ATP6V0E1: variants seen among roughly 807,000 people sequenced by gnomAD.
ATP6V0E1 encodes V-type proton ATPase subunit e 1.
In ATP6V0E1, 4 loss-of-function variants were observed where a neutral mutation model predicts 11.6. The ratio of observed to expected loss-of-function variants is 0.35; its 90% CI spans 0.17 to 0.79. The LOEUF (loss-of-function observed/expected upper bound fraction) is 0.79, where lower values mean the gene tolerates loss of function less well. Among genes scored for constraint, ATP6V0E1 ranks in the 30% least tolerant of loss-of-function variants. ATP6V0E1 has a pLI of 0.54. For synonymous variants in ATP6V0E1, 36 were observed against 34.8 expected, an observed-to-expected ratio of 1.04 and a Z score of -0.13; for missense variants, 105 against 100.0, an observed-to-expected ratio of 1.05 and a Z score of -0.21.
At chr5:172,987,143 GA>G in intron 1 of ATP6V0E1, 2 of 211,280 alleles carry the variant, frequency 9.5e-6, no homozygotes, top group Non-Finnish European at 1.9e-5. Context: ...AGCTGAAAGT[GA>G]AGGCCATGGG....
chr5:173,014,900 G>A (rs372083514), intron 2 of ATP6V0E1, among the ~76,000 whole-genome samples: 7 of 152,198 alleles, frequency 4.6e-5, no homozygotes, highest in Non-Finnish European at 8.8e-5. Flanking sequence ...GCGAGGACTT[G>A]AAATGATACC....
chr5:172,991,589 G>A (rs1283281549), intron 1 of ATP6V0E1, among the ~76,000 whole-genome samples: 2 of 152,128 alleles, frequency 1.3e-5, no homozygotes, highest in African/African-American at 2.4e-5. Flanking sequence ...ATGTTTGCAC[G>A]TAGGGGGAGG....
chr5:172,992,208 G>A (rs6861383), intron 1 of ATP6V0E1, among the ~76,000 whole-genome samples: 3,199 of 152,144 alleles, frequency 0.021, 102 homozygotes, highest in African/African-American at 0.072. Flanking sequence ...CCGCCACCAC[G>A]CCCGGCTAAT....
chr5:172,997,462 C>T (rs1344837014), intron 2 of ATP6V0E1, among the ~76,000 whole-genome samples: 28 of 151,660 alleles, frequency 1.8e-4, no homozygotes, highest in Non-Finnish European at 3.4e-4. Flanking sequence ...TCTTCTTCTT[C>T]TTTAAAAATC....
intron 2 of ATP6V0E1, among the ~76,000 whole-genome samples, chr5:173,008,041 A>G (rs1756255487): frequency 6.6e-6 from 1 of 152,192 alleles, no homozygotes; most frequent in African/African-American, 2.4e-5. Flanking sequence ...AGTAGGCTTC[A>G]CCAGAGGTTC....
intron 3 of ATP6V0E1, among the ~76,000 whole-genome samples, chr5:173,031,732 T>C (rs1177796242): frequency 1.4e-5 from 2 of 144,556 alleles, no homozygotes; most frequent in Non-Finnish European, 3.0e-5. Flanking sequence ...GGCAGGAGAA[T>C]AGCGTGAACC....
intron 3 of ATP6V0E1, among the ~76,000 whole-genome samples, chr5:173,032,451 GC>G (rs1189912573): frequency 6.6e-6 from 1 of 151,694 alleles, no homozygotes; most frequent in Non-Finnish European, 1.5e-5. Context: ...ACTACAGCTG[GC>G]TAATTTTTTT....
chr5:173,033,611 G>A (rs1016576703), intron 3 of ATP6V0E1, among the ~76,000 whole-genome samples: 1 of 152,104 alleles, frequency 6.6e-6, no homozygotes, highest in Non-Finnish European at 1.5e-5. Context: ...GGGAGGCGAG[G>A]ATGGGCACAA....
At chr5:172,986,562 A>G in intron 1 of ATP6V0E1, 1 of 267,170 alleles carries the variant, frequency 3.7e-6, no homozygotes, top group Non-Finnish European at 7.5e-6. Flanking sequence ...CAGGAGTTCC[A>G]GGATGCAGTA....
At chr5:172,988,441 C>T (rs1390097013) in intron 1 of ATP6V0E1, among the ~76,000 whole-genome samples, 1 of 152,098 alleles carries the variant, frequency 6.6e-6, no homozygotes, top group African/African-American at 2.4e-5. Context: ...GTTCCCATTT[C>T]CTCATTTTAA....
At chr5:172,987,950 C>T (rs537262594) in intron 1 of ATP6V0E1, among the ~76,000 whole-genome samples, 1 of 152,066 alleles carries the variant, frequency 6.6e-6, no homozygotes, top group Non-Finnish European at 1.5e-5. Context: ...TGACCTCAAG[C>T]AGTCCTCCCA....
intron 2 of ATP6V0E1, among the ~76,000 whole-genome samples, chr5:173,002,663 T>A (rs963261831): frequency 6.6e-6 from 1 of 152,238 alleles, no homozygotes; most frequent in Non-Finnish European, 1.5e-5. Flanking sequence ...TCTGTTTCTG[T>A]AATTTCTTAT....
chr5:172,994,873 AT>A, intron 2 of ATP6V0E1, 51 bp downstream of exon 2: 1 of 1,412,522 alleles, frequency 7.1e-7, no homozygotes, highest in Non-Finnish European at 9.7e-7. Flanking sequence ...AGTGTGTGCG[AT>A]TTACACATTT....
intron 2 of ATP6V0E1, among the ~76,000 whole-genome samples, chr5:173,017,551 A>AG (rs1756420109): frequency 6.9e-6 from 1 of 145,090 alleles, no homozygotes; most frequent in Non-Finnish European, 1.5e-5. Context: ...AAAAAAAAAA[A>AG]GCGATTCCTG....
chr5:173,031,593 C>G (rs548663870), intron 3 of ATP6V0E1, among the ~76,000 whole-genome samples: 1 of 151,304 alleles, frequency 6.6e-6, no homozygotes, highest in Admixed American at 6.6e-5. Flanking sequence ...CCAAGGCGCG[C>G]GGATCACGAG....
chr5:173,027,450 C>T (rs1487422073), intron 3 of ATP6V0E1, among the ~76,000 whole-genome samples: 8 of 140,210 alleles, frequency 5.7e-5, no homozygotes, highest in Non-Finnish European at 9.3e-5. Context: ...TGCAGTGAGC[C>T]GAGATCGTGC....
chr5:173,031,822 C>CA (rs34167312), intron 3 of ATP6V0E1, among the ~76,000 whole-genome samples: 22,292 of 119,176 alleles, frequency 0.19, 2,975 homozygotes, highest in East Asian at 0.71. Flanking sequence ...GACTCTGCCT[C>CA]AAAAAAAAAA....
intron 3 of ATP6V0E1, among the ~76,000 whole-genome samples, chr5:173,032,482 G>A (rs377345752): frequency 1.6e-4 from 25 of 151,670 alleles, no homozygotes; most frequent in African/African-American, 6.1e-4. Context: ...GTAGAGATGG[G>A]GTTTTACCAT....
chr5:172,996,561 C>CA (rs55994987), intron 2 of ATP6V0E1, among the ~76,000 whole-genome samples: 198 of 119,382 alleles, frequency 1.7e-3, no homozygotes, highest in Middle Eastern at 0.016. Context: ...GACTCCGCCT[C>CA]AAAAAAAAAA....
Sources: gnomAD v4.1 joint callset for allele counts (sites outside exome capture counted in the v4.1 genomes callset) on GRCh38, gnomAD v4.1.1 for gene constraint, MANE v1.5 for transcripts, NCBI Gene and HGNC (gene_info 2026-07-23, HGNC 2026-07-21) for gene names.